The following TRIM26 variants were observed in gnomAD, a reference collection of about 807,000 sequenced individuals.
The protein encoded by TRIM26 is tripartite motif containing 26, also known as tripartite motif-containing protein 26.
A neutral mutation model predicts 45.5 loss-of-function variants in TRIM26; 16 were observed. That is an observed-to-expected ratio of 0.35 (90% confidence interval 0.24 to 0.53). The LOEUF (loss-of-function observed/expected upper bound fraction) is 0.53, where lower values mean the gene tolerates loss of function less well. TRIM26 is among the 20% of genes least tolerant of loss of function. The pLI is 0.92. For missense variants in TRIM26, 442 were observed against 691.1 expected, an observed-to-expected ratio of 0.64 and a Z score of 4.04; for synonymous variants, 273 against 290.4, an observed-to-expected ratio of 0.94 and a Z score of 0.61.
Position 30,186,037 on chromosome 6 carries a change from G to A in TRIM26, c.1459C>T (p.Arg487Trp), listed in dbSNP as rs759450962. The A allele has an allele frequency of 4.2e-5, 67 of 1,606,278 alleles. No homozygotes were observed. In the African/African-American group the frequency reaches 5.4e-4, roughly 13 times the overall value. Residue 487 changes from arginine (R) to tryptophan (W), a missense_variant, in exon 10 of 10, where the codon CGG becomes TGG. Physicochemically the swap from Arg to Trp is moderately radical, Grantham distance 101 (BLOSUM62 -3). Transcript: ENST00000454678. The surrounding 1 kb of genome is among the most constrained non-coding windows in gnomAD (Gnocchi z 7.4). Reference protein sequence around the residue: ...EAELFPALRPRRVGIALDYEG... With the variant: ...EAELFPALRPWRVGIALDYEG... ...TAATCCAGGGCGATGCCCACTCTCC[G>A]GGGCCGCAGTGCTGGGAAAAGCTCA...
chr6:30,193,085 T>TATAC (rs1316093780), intron 6 of TRIM26, among the ~76,000 whole-genome samples: 67 of 139,012 alleles, frequency 4.8e-4, no homozygotes, highest in Middle Eastern at 3.7e-3. Flanking sequence ...TATGTATATA[T>TATAC]ACATATATAT....
chr6:30,211,491 T>C (rs117114071), intron 1 of TRIM26, among the ~76,000 whole-genome samples: 3,907 of 152,290 alleles, frequency 0.026, 97 homozygotes, highest in Admixed American at 0.062. Flanking sequence ...GTGTCTTCTG[T>C]GGTGGTCACA....
At chr6:30,203,046 CTTTTTTTTT>C in intron 2 of TRIM26, among the ~76,000 whole-genome samples, 1 of 132,856 alleles carries the variant, frequency 7.5e-6, no homozygotes, top group African/African-American at 2.7e-5. Flanking sequence ...TCCTCTCTTT[CTTTTTTTTT>C]TTTTTTTTTT....
chr6:30,198,470 C>T lies in TRIM26; in HGVS notation c.493G>A (p.Gly165Ser). The change falls in exon 5 of 10, where the codon GGC (glycine) becomes AGC (serine). Residue 165 changes from glycine (G) to serine (S), a missense_variant. Transcript: ENST00000454678. This position sits in a 1 kb window ranked among gnomAD's most constrained non-coding sequence, Gnocchi z 6.3. ...TLRRDRDKIQ[G>S]FQAKGEADIL... is the part of the protein sequence containing the mutation. ...TCAGCTTCTCCCTTTGCCTGGAAGC[C>T]CTGAATTTTGTCTCTGTCCCTCCTT... 2 of 1,613,058 alleles carry T rather than the reference C, an allele frequency of 1.2e-6. No homozygotes were observed. The highest frequency in any genetic ancestry group is 1.7e-6 in the Non-Finnish European group (2 of 1,180,034).
intron 1 of TRIM26, among the ~76,000 whole-genome samples, chr6:30,212,547 T>C (rs1778387812): frequency 6.6e-6 from 1 of 152,178 alleles, no homozygotes; most frequent in South Asian, 2.1e-4. Context: ...AGAAATAAAG[T>C]CTACTTAAAC....
Position 30,189,829 on chromosome 6 carries a change from G to A in TRIM26, c.788+184C>T, listed in dbSNP as rs1464255840. 1 of 711,878 alleles carries A rather than the reference G, an allele frequency of 1.4e-6. No individual in the cohort carries two copies. Among genetic ancestry groups the A allele is most frequent in the African/African-American group, 1.8e-5 (1 of 55,946 alleles). 44.1% of individuals were successfully genotyped at this position (711,878 alleles called of 1,614,324 possible). A position where few individuals can be genotyped will look rare whatever the true frequency, so the allele number is the denominator to read the frequency against. ...CTGGGGCTACACAGAGAACCATAAG[G>A]AGGAGAGCAAGTCTCCAGTTCTCAA... On this transcript the variant is annotated intron_variant, in intron 7 of 9. Coordinates refer to ENST00000454678, the MANE Select transcript of TRIM26 (RefSeq NM_003449.5). This position sits in a 1 kb window ranked among gnomAD's most constrained non-coding sequence, Gnocchi z 5.0.
At chr6:30,206,920 A>G (rs1777785072) in intron 1 of TRIM26, among the ~76,000 whole-genome samples, 1 of 152,236 alleles carries the variant, frequency 6.6e-6, no homozygotes, top group Non-Finnish European at 1.5e-5. Flanking sequence ...CAAGGCCAGC[A>G]CTAGCACGAG....
intron 3 of TRIM26, among the ~76,000 whole-genome samples, chr6:30,200,259 G>A (rs1581699687): frequency 1.3e-5 from 2 of 152,182 alleles, no homozygotes; most frequent in African/African-American, 4.8e-5. Flanking sequence ...TCCAGACTGG[G>A]CAACAGAATA....
chr6:30,191,120 A>G (rs1775781641), intron 6 of TRIM26, among the ~76,000 whole-genome samples: 1 of 152,154 alleles, frequency 6.6e-6, no homozygotes, highest in Non-Finnish European at 1.5e-5. Flanking sequence ...CATTCCAGGT[A>G]TTTTAGAGAC....
chr6:30,196,753 G>C lies in TRIM26; in HGVS notation c.535-7C>G. On this transcript the variant is annotated splice_polypyrimidine_tract_variant and splice_region_variant and intron_variant, in intron 5 of 9. Coordinates refer to ENST00000454678, the MANE Select transcript of TRIM26 (RefSeq NM_003449.5). The surrounding 1 kb of genome is among the most constrained non-coding windows in gnomAD (Gnocchi z 4.9). ...TCTGGTCCTGGAGCTTCTTCTGCAG[G>C]GGGCAGGAAGGGGAGAAGGGCTGAC... The C allele has an allele frequency of 1.2e-6, 2 of 1,613,906 alleles. No individual in the cohort carries two copies. The highest frequency in any genetic ancestry group is 1.1e-5 in the South Asian group (1 of 91,080).
At chr6:30,199,995 T>A (rs1354130388) in intron 3 of TRIM26, among the ~76,000 whole-genome samples, 3 of 152,042 alleles carry the variant, frequency 2.0e-5, no homozygotes, top group Non-Finnish European at 4.4e-5. Flanking sequence ...GAGAGGGCAA[T>A]GTGACATGGC....
Position 30,189,359 on chromosome 6 carries a change from T to C in TRIM26, c.904+59A>G. ...GGTGATGGAAAGGAGCTGGGTGCGC[T>C]CTTTCTACGAGGTAGCCCTGCTCTG... On this transcript the variant is annotated intron_variant, in intron 8 of 9. Transcript: ENST00000454678. This position sits in a 1 kb window ranked among gnomAD's most constrained non-coding sequence, Gnocchi z 5.0. 6.3e-7 allele frequency: 1 copy of C among 1,586,428 alleles called. No individual in the cohort carries two copies.
chr6:30,212,023 G>T (rs1187888399), intron 1 of TRIM26, among the ~76,000 whole-genome samples: 1 of 152,168 alleles, frequency 6.6e-6, no homozygotes, highest in Non-Finnish European at 1.5e-5. Flanking sequence ...GAGACTAACT[G>T]TACAGTGGAG....
chr6:30,205,871 G>C (rs1777678442), intron 1 of TRIM26, among the ~76,000 whole-genome samples: 1 of 152,014 alleles, frequency 6.6e-6, no homozygotes, highest in African/African-American at 2.4e-5. Context: ...GAGGTGCCCT[G>C]GTAGACAGTG....
chr6:30,208,902 ATATGTGTGTG>A (rs1040127475), intron 1 of TRIM26, among the ~76,000 whole-genome samples: 2 of 74,502 alleles, frequency 2.7e-5, no homozygotes, highest in African/African-American at 9.1e-5. Context: ...GGGATATAGA[ATATGTGTGTG>A]TGTGTGTGTG....
At chr6:30,205,564 A>T (rs1437016313) in intron 1 of TRIM26, among the ~76,000 whole-genome samples, 1 of 152,192 alleles carries the variant, frequency 6.6e-6, no homozygotes, top group Non-Finnish European at 1.5e-5. Flanking sequence ...AAAGCCGGGC[A>T]CGGGGGCTTG....
At position 30,210,707 on chromosome 6, in the gene TRIM26, CAAT is replaced by C. The variant is rs1778198571; in HGVS notation, c.-376+2595_-376+2597del. 2.1e-5 allele frequency among the ~76,000 whole-genome samples: 3 copies of C among 140,590 alleles called. No homozygotes were observed. In the East Asian group the frequency reaches 6.0e-4, roughly 28 times the overall value. The allele number at this position is 140,590 out of a possible 152,430, so 92.2% of individuals were successfully genotyped here. Reference sequence around the variant, plus strand: ...TAAAGTAGGCACAGAAATAGATTAACAATAATAACACAACAGAATAACAATATA... The same window carrying C: ...TAAAGTAGGCACAGAAATAGATTAACAATAACACAACAGAATAACAATATA... On this transcript the variant is annotated intron_variant, in intron 1 of 9. Coordinates refer to ENST00000454678, the MANE Select transcript of TRIM26 (RefSeq NM_003449.5).
At chr6:30,193,154 G>GTATA (rs1562199733) in intron 6 of TRIM26, among the ~76,000 whole-genome samples, 5 of 49,140 alleles carry the variant, frequency 1.0e-4, no homozygotes, top group African/African-American at 4.4e-4. Context: ...GTGTGTGTGT[G>GTATA]TGTGTGTGTA....
chr6:30,188,275 A>G (rs183297815), intron 9 of TRIM26: 87 of 430,446 alleles, frequency 2.0e-4, no homozygotes, highest in African/African-American at 1.7e-3. Context: ...TCTGAGTTCC[A>G]CAAGTTCTTG....
Sources: gnomAD v4.1 joint callset for allele counts (sites outside exome capture counted in the v4.1 genomes callset) on GRCh38, gnomAD v4.1.1 for gene constraint, Gnocchi (gnomAD v3.1) non-coding constraint, MANE v1.5 for transcripts, NCBI Gene and HGNC (gene_info 2026-07-23, HGNC 2026-07-21) for gene names.